The following SPEF2 variants were observed in gnomAD, a reference collection of about 807,000 sequenced individuals.
SPEF2 encodes the protein sperm flagella and cilia-associated protein 2.
A neutral mutation model predicts 224.6 loss-of-function variants in SPEF2; 187 were observed. The ratio of observed to expected loss-of-function variants is 0.83; its 90% CI spans 0.74 to 0.94. The LOEUF (loss-of-function observed/expected upper bound fraction) is 0.94. Ranked by LOEUF, SPEF2 falls within the 40% of genes least tolerant of loss-of-function variation. The probability of loss-of-function intolerance (pLI) is 0.00; values close to 1 mark genes in which losing one functional copy is unlikely to be tolerated. For synonymous variants in SPEF2, 715 were observed against 707.3 expected (o/e 1.01, Z -0.17); for missense variants, 2,170 against 2,135.6 (o/e 1.02, Z -0.32).
Position 35,639,664 on chromosome 5 carries a change from G to GT in SPEF2, c.162-1755dup, listed in dbSNP as rs201397077. Among the ~76,000 whole-genome samples the GT allele has an allele frequency of 2.7e-3, 380 of 139,022 alleles. 2 individuals carry two copies. Among genetic ancestry groups the GT allele is most frequent in the African/African-American group, 6.5e-3 (248 of 38,268 alleles). 91.2% of individuals were successfully genotyped at this position (139,022 alleles called of 152,430 possible). A position where few individuals can be genotyped will look rare whatever the true frequency, so the allele number is the denominator to read the frequency against. On this transcript the variant is annotated intron_variant, in intron 2 of 36. Coordinates refer to ENST00000356031, the MANE Select transcript of SPEF2 (RefSeq NM_024867.4). ...CAAATAGTGAAAATTGAGAAGATTT[G>GT]TTTTTTTTTTTTAAAGTAAATAGTC...
At chr5:35,669,904 TC>T (rs144097442) in intron 9 of SPEF2, among the ~76,000 whole-genome samples, 154 bp from the exon 10 acceptor site, 3,487 of 152,168 alleles carry the variant, frequency 0.023, 55 homozygotes, top group Non-Finnish European at 0.039. Context: ...AGTCTTATTG[TC>T]ATTGCACATA....
At position 35,704,668 on chromosome 5, in the gene SPEF2, T is replaced by G. The variant is rs1017170007; in HGVS notation, c.2507+6T>G. ...AGAGACCAGATACAACATAGGTTAG[T>G]TTTTAACTAAATGCTCTGCTTCTTG... On this transcript the variant is annotated splice_donor_region_variant and intron_variant, in intron 17 of 36. Transcript: ENST00000356031. The G allele has an allele frequency of 2.0e-5, 30 of 1,510,190 alleles. No homozygotes were observed. Among genetic ancestry groups the G allele is most frequent in the African/African-American group, 2.8e-5 (2 of 72,648 alleles). 93.5% of individuals were successfully genotyped at this position (1,510,190 alleles called of 1,614,324 possible).
chr5:35,769,070 T>C (rs942221015), intron 26 of SPEF2, among the ~76,000 whole-genome samples: 2 of 152,136 alleles, frequency 1.3e-5, no homozygotes, highest in Non-Finnish European at 2.9e-5. Context: ...GCTGAATGAA[T>C]TGGGAATTAC....
chr5:35,638,748 C>G (rs1746182608), intron 2 of SPEF2, among the ~76,000 whole-genome samples: 1 of 152,184 alleles, frequency 6.6e-6, no homozygotes. Context: ...TGAATGTTTA[C>G]TCCTCAACTA....
chr5:35,710,867 CTT>C (rs1740970093), intron 19 of SPEF2: 13 of 985,256 alleles, frequency 1.3e-5, no homozygotes, highest in Non-Finnish European at 1.6e-5. Context: ...TTGTACTTGT[CTT>C]TTTTTCCCCA....
Position 35,763,556 on chromosome 5 carries a change from G to A in SPEF2, c.3655G>A (p.Glu1219Lys). ...PLVPRISISL[E>K]TVTPKPKTKS... ...AGTTCCTCGAATATCCATTTCTCTG[G>A]AAACAGTTACACCCAAACCAAAAAC... The change falls in exon 26 of 37, where the codon GAA becomes AAA. Residue 1219 changes from glutamate to lysine, a missense_variant. By Grantham distance (56) the Glu-to-Lys change is moderately conservative. Transcript: ENST00000356031. 6.2e-7 allele frequency: 1 copy of A among 1,602,358 alleles called. No homozygotes were observed. Among genetic ancestry groups the A allele is most frequent in the Non-Finnish European group, 8.5e-7 (1 of 1,176,212 alleles).
intron 30 of SPEF2, among the ~76,000 whole-genome samples, chr5:35,784,122 C>T (rs1362511186): frequency 6.6e-6 from 1 of 151,250 alleles, no homozygotes; most frequent in Non-Finnish European, 1.5e-5. Context: ...CTTTTGGAGA[C>T]CGATAGATTT....
At chr5:35,667,356 A>T in intron 9 of SPEF2, 97 bp downstream of exon 9, 1 of 1,112,042 alleles carries the variant, frequency 9.0e-7, no homozygotes. Context: ...AAAGAGAGAT[A>T]AAAATGATTC....
At chr5:35,804,712 AT>A (rs201965692) in intron 34 of SPEF2, among the ~76,000 whole-genome samples, 45 of 144,738 alleles carry the variant, frequency 3.1e-4, no homozygotes, top group African/African-American at 1.1e-3. Context: ...TACCTCTTAA[AT>A]TTTAAAAAAA....
chr5:35,760,151 G>A (rs748404021), intron 25 of SPEF2, among the ~76,000 whole-genome samples: 23 of 152,130 alleles, frequency 1.5e-4, no homozygotes, highest in Non-Finnish European at 2.1e-4. Context: ...CACGAGGTCA[G>A]GAGATCGAGA....
At chr5:35,813,173 T>C (rs1758641837) in intron 36 of SPEF2, among the ~76,000 whole-genome samples, 1 of 152,172 alleles carries the variant, frequency 6.6e-6, no homozygotes, top group African/African-American at 2.4e-5. Context: ...ATTATAAACA[T>C]ACTATATAAA....
intron 30 of SPEF2, among the ~76,000 whole-genome samples, chr5:35,782,188 C>G (rs1349868370): frequency 3.3e-5 from 5 of 152,142 alleles, no homozygotes; most frequent in Non-Finnish European, 4.4e-5. Flanking sequence ...CTTTATGATA[C>G]CTTCCACTGT....
intron 10 of SPEF2, among the ~76,000 whole-genome samples, chr5:35,673,233 G>T (rs1390085267): frequency 5.9e-5 from 9 of 152,150 alleles, no homozygotes; most frequent in Admixed American, 6.6e-5. Context: ...AGGAGGCCTG[G>T]TTCCTGTAGT....
chr5:35,807,155 C>T lies in SPEF2; in HGVS notation c.5281C>T (p.Leu1761=), dbSNP rs770533261. ...GGGCTTCATAAAAACATTTCAAGAC[C>T]TAGGTGCCAAGAACCTGGAGCCAAT... The part of the protein sequence containing the change: ...AEGFIKTFQD[L]GAKNLEPIEV... The change falls in exon 36 of 37, where the codon CTA becomes TTA. Residue 1761 remains leucine (L), a synonymous_variant. Transcript: ENST00000356031. The T allele has an allele frequency of 6.2e-7, 1 of 1,613,406 alleles. No homozygotes were observed. Among genetic ancestry groups the T allele is most frequent in the South Asian group, 1.1e-5 (1 of 90,844 alleles).
chr5:35,799,011 AG>A (rs1757057643), intron 33 of SPEF2, among the ~76,000 whole-genome samples: 1 of 152,188 alleles, frequency 6.6e-6, no homozygotes, highest in African/African-American at 2.4e-5. Flanking sequence ...CATAGTTGTA[AG>A]GGTTTTTGGT....
intron 20 of SPEF2, among the ~76,000 whole-genome samples, chr5:35,713,403 T>C: frequency 6.6e-6 from 1 of 152,098 alleles, no homozygotes; most frequent in Middle Eastern, 3.2e-3. Flanking sequence ...TCTACATTTT[T>C]TTGTAATCCT....
At chr5:35,767,212 T>A (rs1437615337) in intron 26 of SPEF2, among the ~76,000 whole-genome samples, 1 of 151,986 alleles carries the variant, frequency 6.6e-6, no homozygotes, top group African/African-American at 2.4e-5. Context: ...ACAATGAAAT[T>A]GGGAAAATAT....
At chr5:35,802,083 G>A (rs1333889804) in intron 34 of SPEF2, among the ~76,000 whole-genome samples, 1 of 152,192 alleles carries the variant, frequency 6.6e-6, no homozygotes, top group South Asian at 2.1e-4. Context: ...ACAGGGGGGA[G>A]CATGGAATAA....
chr5:35,633,449 C>T (rs139033077), intron 2 of SPEF2, among the ~76,000 whole-genome samples: 2 of 152,090 alleles, frequency 1.3e-5, no homozygotes, highest in African/African-American at 2.4e-5. Flanking sequence ...TATAGTCACT[C>T]TAGTCCTGTT....
Sources: allele counts gnomAD v4.1 joint callset (sites outside exome capture counted in the v4.1 genomes callset), GRCh38; gene constraint gnomAD v4.1.1; transcripts MANE v1.5; gene names NCBI Gene and HGNC (gene_info 2026-07-23, HGNC 2026-07-21).